The following CCNL1 variants were observed in gnomAD, a reference collection of about 807,000 sequenced individuals.
The protein encoded by CCNL1 is cyclin L1, also known as cyclin-L1.
In CCNL1, 13 loss-of-function variants were observed where a neutral mutation model predicts 60.6. The ratio of observed to expected loss-of-function variants is 0.21; its 90% CI spans 0.14 to 0.34. The LOEUF (loss-of-function observed/expected upper bound fraction) is 0.34, where lower values mean the gene tolerates loss of function less well. Ranked by LOEUF, CCNL1 falls within the 10% of genes least tolerant of loss-of-function variation. CCNL1 has a pLI of 1.00. For missense variants in CCNL1, 481 were observed against 664.3 expected, an observed-to-expected ratio of 0.72 and a Z score of 3.03; for synonymous variants, 270 against 244.3, an observed-to-expected ratio of 1.10 and a Z score of -0.98.
downstream of CCNL1, among the ~76,000 whole-genome samples, chr3:157,145,393 G>A (rs565617024): frequency 1.8e-3 from 236 of 128,348 alleles, no homozygotes; most frequent in African/African-American, 6.4e-3. Flanking sequence ...ACCCGAGATC[G>A]TGCCACTGCA....
rs144776694 is a variant in CCNL1 at position 157,153,159 on chromosome 3, A to G, written c.489-3T>C. ...CAAGGATCAGGGGGCTTGGAGTCCTATAGTTTGTAAGAAATAAAATCAAAA... is the reference window on the plus strand; with the variant it reads ...CAAGGATCAGGGGGCTTGGAGTCCTGTAGTTTGTAAGAAATAAAATCAAAA... On this transcript the variant is annotated splice_region_variant and splice_polypyrimidine_tract_variant and intron_variant, in intron 3 of 10. Transcript: ENST00000295926. The G allele has an allele frequency of 9.7e-3, 15,541 of 1,601,178 alleles. 100 individuals are homozygous for G. Among genetic ancestry groups the G allele is most frequent in the Non-Finnish European group, 0.012 (13,772 of 1,176,510 alleles).
intron 10 of CCNL1, chr3:157,149,015 A>G (rs112044175): frequency 2.5e-5 from 9 of 360,722 alleles, no homozygotes; most frequent in African/African-American, 1.5e-4. Context: ...AAAAAAAAGA[A>G]GTTTTCACAT....
intron 5 of CCNL1, chr3:157,150,977 GAT>G (rs1472701347): frequency 5.9e-5 from 58 of 985,014 alleles, no homozygotes; most frequent in Non-Finnish European, 6.5e-5. Context: ...AGGTAAAAGA[GAT>G]AAACTATTTC....
chr3:157,152,333 C>A, intron 4 of CCNL1, 92 bp from the exon 5 acceptor site: 1 of 1,540,718 alleles, frequency 6.5e-7, no homozygotes, highest in Non-Finnish European at 8.7e-7. Flanking sequence ...ATGTTAGACT[C>A]AAGTTCTAAT....
At chr3:157,146,395 A>G (rs111733566), downstream of CCNL1, 544 of 333,458 alleles carry the variant, frequency 1.6e-3, 4 homozygotes, top group African/African-American at 0.011. Context: ...CACCTTTAAC[A>G]TACAAACCTC....
At chr3:157,157,124 T>C in intron 3 of CCNL1, 3 of 1,289,026 alleles carry the variant, frequency 2.3e-6, no homozygotes, top group African/African-American at 1.5e-5. Context: ...TTGAAGTTAA[T>C]AACATATACA....
At chr3:157,153,456 T>C in intron 3 of CCNL1, 1 of 235,580 alleles carries the variant, frequency 4.2e-6, no homozygotes, top group South Asian at 6.6e-5. Flanking sequence ...TGTGTATATA[T>C]ATGTATTTAA....
At chr3:157,150,028 C>G (rs748786829) in intron 7 of CCNL1, 37 bp downstream of exon 7, 83 of 1,609,076 alleles carry the variant, frequency 5.2e-5, no homozygotes, top group Non-Finnish European at 7.0e-5. Context: ...AGCTTGGACT[C>G]TTAGCATGTT....
downstream of CCNL1, among the ~76,000 whole-genome samples, chr3:157,143,292 C>T (rs1737698746): frequency 6.6e-6 from 1 of 152,188 alleles, no homozygotes; most frequent in African/African-American, 2.4e-5. Context: ...GTTTGCTACC[C>T]CTAGGATGTT....
downstream of CCNL1, among the ~76,000 whole-genome samples, chr3:157,143,812 G>A (rs1737708484): frequency 6.6e-6 from 1 of 152,164 alleles, no homozygotes; most frequent in African/African-American, 2.4e-5. Flanking sequence ...AAAGGCTCAG[G>A]AAGAGATGTG....
intron 5 of CCNL1, 140 bp downstream of exon 5, chr3:157,152,037 T>G: frequency 6.8e-7 from 1 of 1,478,500 alleles, no homozygotes; most frequent in Non-Finnish European, 9.0e-7. Flanking sequence ...TATTTACCTT[T>G]TGGTTAAAAA....
At chr3:157,154,933 T>TATATATACATACATAC (rs1553850935) in intron 3 of CCNL1, among the ~76,000 whole-genome samples, 5 of 147,886 alleles carry the variant, frequency 3.4e-5, no homozygotes, top group South Asian at 4.2e-4. Context: ...TCTCCATATA[T>TATATATACATACATAC]ATACATACAT....
At chr3:157,150,595 C>A in intron 5 of CCNL1, 1 of 1,245,894 alleles carries the variant, frequency 8.0e-7, no homozygotes, top group Non-Finnish European at 1.0e-6. Context: ...TATATATGAG[C>A]GAAGCCCTTT....
downstream of CCNL1, among the ~76,000 whole-genome samples, chr3:157,143,129 C>T (rs551130513): frequency 3.3e-5 from 5 of 152,052 alleles, no homozygotes; most frequent in Non-Finnish European, 7.4e-5. Flanking sequence ...AGTGCCCAGC[C>T]GTATTTTTAT....
At position 157,149,990 on chromosome 3, in the gene CCNL1, A is replaced by T; in HGVS notation, c.880-13T>A. 1 of 1,611,736 alleles carries T rather than the reference A, an allele frequency of 6.2e-7. No homozygotes were observed. Among genetic ancestry groups the T allele is most frequent in the South Asian group, 1.1e-5 (1 of 90,740 alleles). On this transcript the variant is annotated splice_polypyrimidine_tract_variant and intron_variant, in intron 7 of 10. Coordinates refer to ENST00000295926, the MANE Select transcript of CCNL1 (RefSeq NM_020307.4). ...ATTCATAGTTTGGCTGTTGGAGGAA[A>T]AAAAAGTTAGTATTTCTTCCTTAGA...
intron 3 of CCNL1, among the ~76,000 whole-genome samples, chr3:157,158,442 CG>C (rs1738794334): frequency 1.3e-5 from 2 of 151,984 alleles, no homozygotes; most frequent in South Asian, 4.2e-4. Flanking sequence ...ACTGGGACTT[CG>C]AGTAGAAAAA....
intron 5 of CCNL1, chr3:157,151,284 C>A (rs1215235995): frequency 1.0e-6 from 1 of 985,464 alleles, no homozygotes; most frequent in African/African-American, 1.7e-5. Flanking sequence ...ATAAAAATTA[C>A]TTCACTAAGT....
rs1213694943 is a variant in CCNL1 at position 157,148,333 on chromosome 3, C to G, written c.1489G>C (p.Asp497His). 1 of 1,614,212 alleles carries G rather than the reference C, an allele frequency of 6.2e-7. No homozygotes were observed. The highest frequency in any genetic ancestry group is 8.5e-7 in the Non-Finnish European group (1 of 1,180,042). ...KHRHERGHHR[D>H]RRERSRSFER... The stretch of plus-strand genomic sequence containing the variant: ...AAGGAGCGAGATCGTTCACGCCTGT[C>G]CCTATGATGTCCCCTTTCATGCCTG... The change falls in exon 11 of 11, where the codon GAC (aspartate) becomes CAC (histidine). Residue 497 changes from aspartate to histidine, a missense_variant. Transcript: ENST00000295926.
chr3:157,159,493 A>G lies in CCNL1; in HGVS notation c.304-14T>C, dbSNP rs2108143219. ...TGCCATCGCCACCTGCAGACAAGAG[A>G]GGAGAACGGAAGCGCAGGGGTCAGG... is the stretch of plus-strand genomic sequence containing the variant. On this transcript the variant is annotated splice_polypyrimidine_tract_variant and intron_variant, in intron 1 of 10. Coordinates refer to ENST00000295926, the MANE Select transcript of CCNL1 (RefSeq NM_020307.4). 1 of 1,611,038 alleles carries G rather than the reference A, an allele frequency of 6.2e-7. No individual in the cohort carries two copies. The highest frequency in any genetic ancestry group is 8.5e-7 in the Non-Finnish European group (1 of 1,177,768).
Sources: gnomAD v4.1 joint callset for allele counts (sites outside exome capture counted in the v4.1 genomes callset) on GRCh38, gnomAD v4.1.1 for gene constraint, MANE v1.5 for transcripts, NCBI Gene and HGNC (gene_info 2026-07-23, HGNC 2026-07-21) for gene names.